The following EYS variants were observed in gnomAD, a reference collection of about 807,000 sequenced individuals.
The protein encoded by EYS is EGF-like photoreceptor maintenance factor.
A neutral mutation model predicts 282.1 loss-of-function variants in EYS; 250 were observed. That is an observed-to-expected ratio of 0.89 (90% CI 0.80 to 0.98). EYS has a LOEUF of 0.98. Ranked by LOEUF, EYS falls within the 50% of genes least tolerant of loss-of-function variation. The probability of loss-of-function intolerance (pLI) is 0.00; values close to 1 mark genes in which losing one functional copy is unlikely to be tolerated. For synonymous variants in EYS, 1,355 were observed against 1,282.9 expected (o/e 1.06, Z -1.20); for missense variants, 4,016 against 3,709.0 (o/e 1.08, Z -2.15).
intron 1 of EYS, among the ~76,000 whole-genome samples, chr6:65,677,483 G>GA (rs1285640093): frequency 6.6e-6 from 1 of 151,524 alleles, no homozygotes; most frequent in Middle Eastern, 3.4e-3. Flanking sequence ...TCAAAAAGAA[G>GA]AAAAAAATAC....
At chr6:64,287,588 A>G (rs1768545385) in intron 30 of EYS, among the ~76,000 whole-genome samples, 1 of 152,128 alleles carries the variant, frequency 6.6e-6, no homozygotes, top group Admixed American at 6.6e-5. Flanking sequence ...TGTCAACAAT[A>G]GAGCAACATG....
At chr6:63,830,609 T>C (rs9362127) in intron 36 of EYS, among the ~76,000 whole-genome samples, 150,738 of 151,740 alleles carry the variant, frequency 0.99, 74,877 homozygotes, top group Middle Eastern at 1. Flanking sequence ...CTGAAAGTGA[T>C]GGGGAGAATG....
intron 22 of EYS, among the ~76,000 whole-genome samples, chr6:64,706,494 C>A (rs1201922909): frequency 6.6e-6 from 1 of 151,956 alleles, no homozygotes; most frequent in Non-Finnish European, 1.5e-5. Flanking sequence ...CTCTGCACTG[C>A]AAAAGAAATA....
intron 22 of EYS, among the ~76,000 whole-genome samples, chr6:64,734,943 T>C (rs1201562963): frequency 6.6e-6 from 1 of 152,200 alleles, no homozygotes; most frequent in African/African-American, 2.4e-5. Context: ...GTTCTTTCTC[T>C]CTAATATATG....
At chr6:63,942,405 A>G (rs142860252) in intron 35 of EYS, among the ~76,000 whole-genome samples, 2 of 152,332 alleles carry the variant, frequency 1.3e-5, no homozygotes, top group African/African-American at 4.8e-5. Context: ...AGGTTTCAAT[A>G]TAGGATCTTG....
intron 5 of EYS, among the ~76,000 whole-genome samples, chr6:65,452,678 T>C (rs888451281): frequency 6.6e-6 from 1 of 152,028 alleles, no homozygotes; most frequent in Non-Finnish European, 1.5e-5. Context: ...AGAAGTGTTG[T>C]AGTAAAGAGC....
intron 26 of EYS, among the ~76,000 whole-genome samples, chr6:64,559,569 A>G (rs1263669910): frequency 6.6e-6 from 1 of 152,006 alleles, no homozygotes; most frequent in Non-Finnish European, 1.5e-5. Context: ...AAATTCATAT[A>G]TTTCCCTAAA....
intron 15 of EYS, among the ~76,000 whole-genome samples, chr6:64,913,861 G>A (rs140403924): frequency 1.6e-4 from 24 of 152,090 alleles, no homozygotes; most frequent in Middle Eastern, 3.4e-3. Flanking sequence ...AACTAAATTC[G>A]TATTAATATT....
intron 9 of EYS, among the ~76,000 whole-genome samples, chr6:65,346,293 CTTT>C (rs1770389830): frequency 6.6e-6 from 1 of 150,578 alleles, no homozygotes; most frequent in Non-Finnish European, 1.5e-5. Context: ...GAGAACAAAT[CTTT>C]ATAAACAGTA....
intron 12 of EYS, among the ~76,000 whole-genome samples, chr6:65,075,101 A>G (rs1374751000): frequency 6.6e-6 from 1 of 152,004 alleles, no homozygotes; most frequent in Non-Finnish European, 1.5e-5. Context: ...TGTTATCTTC[A>G]GTATATTTGT....
At chr6:65,487,605 T>G (rs1243814553) in intron 5 of EYS, among the ~76,000 whole-genome samples, 1 of 152,210 alleles carries the variant, frequency 6.6e-6, no homozygotes, top group Non-Finnish European at 1.5e-5. Flanking sequence ...TTTGCGTCAA[T>G]GTTCATCAGG....
At chr6:65,618,494 T>G (rs1223160371) in intron 2 of EYS, among the ~76,000 whole-genome samples, 37 of 152,216 alleles carry the variant, frequency 2.4e-4, no homozygotes, top group Non-Finnish European at 5.1e-4. Flanking sequence ...TTTTTCCTAT[T>G]TTGTAGGTTG....
At chr6:64,619,670 CTGTTT>C (rs374630369) in intron 23 of EYS, among the ~76,000 whole-genome samples, 30 of 151,936 alleles carry the variant, frequency 2.0e-4, no homozygotes, top group South Asian at 1.0e-3. Context: ...GTTGTTTTTG[CTGTTT>C]TGTTTTGTTT....
intron 24 of EYS, 136 bp from the exon 25 acceptor site, chr6:64,593,445 A>G: frequency 1.6e-6 from 1 of 607,512 alleles, no homozygotes; most frequent in Non-Finnish European, 2.6e-6. Flanking sequence ...TTACTTGAAA[A>G]TTAAATCTCC....
chr6:64,590,932 C>T lies in EYS; in HGVS notation c.4935G>A (p.Leu1645=), dbSNP rs1316576469. The T allele has an allele frequency of 1.3e-6, 2 of 1,550,686 alleles. No homozygotes were observed. Among genetic ancestry groups the T allele is most frequent in the Admixed American group, 3.9e-5 (2 of 50,946 alleles). ...TACTTGATAGGGTAATGGATTCTTCCAAGGATGAGGATAAAATTGTTCTTT... is the reference window on the plus strand; with the variant it reads ...TACTTGATAGGGTAATGGATTCTTCTAAGGATGAGGATAAAATTGTTCTTT... ...SAKRTILSSS[L]EESITLSSNL... The change falls in exon 26 of 43, where the codon TTG becomes TTA. Residue 1645 remains leucine (L), a synonymous_variant. Coordinates refer to ENST00000503581, the MANE Select transcript of EYS (RefSeq NM_001142800.2).
chr6:65,483,669 G>A (rs1056944813), intron 5 of EYS, among the ~76,000 whole-genome samples: 1 of 152,132 alleles, frequency 6.6e-6, no homozygotes, highest in Non-Finnish European at 1.5e-5. Context: ...TAGAAAATAT[G>A]TATCAAATAA....
chr6:65,070,617 G>A (rs755048569), intron 12 of EYS, among the ~76,000 whole-genome samples: 3 of 151,594 alleles, frequency 2.0e-5, no homozygotes, highest in Non-Finnish European at 2.9e-5. Flanking sequence ...CTAGCATCCT[G>A]GCCAATTCCT....
intron 2 of EYS, among the ~76,000 whole-genome samples, chr6:65,627,759 C>T (rs537937942): frequency 1.3e-5 from 2 of 152,332 alleles, no homozygotes; most frequent in South Asian, 2.1e-4. Flanking sequence ...GATTTCTCAC[C>T]GAGCCTTAGC....
chr6:64,346,157 A>T (rs1478524560), intron 29 of EYS, among the ~76,000 whole-genome samples: 2 of 152,064 alleles, frequency 1.3e-5, no homozygotes, highest in African/African-American at 4.8e-5. Context: ...TTCCTCAGGG[A>T]TCTAGAACTA....
Sources: gnomAD v4.1 joint callset for allele counts (sites outside exome capture counted in the v4.1 genomes callset) on GRCh38, gnomAD v4.1.1 for gene constraint, MANE v1.5 for transcripts, NCBI Gene and HGNC (gene_info 2026-07-23, HGNC 2026-07-21) for gene names.